The following EPHA6 variants were observed in gnomAD, a reference collection of about 807,000 sequenced individuals.
EPHA6 encodes the protein ephrin type-A receptor 6.
EPHA6 carries 50 observed loss-of-function variants against 112.0 expected under a neutral mutation model. The observed-to-expected ratio is 0.45, with a 90% CI of 0.36 to 0.56. The LOEUF is 0.56. EPHA6 is among the 20% of genes least tolerant of loss of function. The pLI is 0.00. For synonymous variants in EPHA6, 529 were observed against 490.7 expected, an observed-to-expected ratio of 1.08 and a Z score of -1.03; for missense variants, 1,280 against 1,417.4, an observed-to-expected ratio of 0.90 and a Z score of 1.56.
intron 2 of EPHA6, among the ~76,000 whole-genome samples, chr3:96,868,843 T>C (rs2036475184): frequency 6.6e-6 from 1 of 152,004 alleles, no homozygotes; most frequent in Non-Finnish European, 1.5e-5. Context: ...ATTGATTCCA[T>C]AGATTTTTCT....
rs114396966 is a variant in EPHA6, at chr3:97,023,552, C to T, written c.1114+35559C>T. On this transcript the variant is annotated intron_variant, in intron 3 of 17. Transcript: ENST00000389672. ...CTTATTTTGCTACTATATATATTTACTTAGTTATATGTTAGATATAATATT... is the reference window on the plus strand; with the variant it reads ...CTTATTTTGCTACTATATATATTTATTTAGTTATATGTTAGATATAATATT... Among the ~76,000 whole-genome samples the T allele has an allele frequency of 4.6e-3, 700 of 151,436 alleles. 6 individuals carry two copies. The highest frequency in any genetic ancestry group is 0.016 in the African/African-American group (674 of 41,282).
At chr3:97,511,136 G>A (rs1203183204) in intron 10 of EPHA6, among the ~76,000 whole-genome samples, 1 of 152,132 alleles carries the variant, frequency 6.6e-6, no homozygotes. Flanking sequence ...GATCCACTAA[G>A]CTAGACCACT....
At chr3:96,872,521 C>A (rs746200727) in intron 2 of EPHA6, among the ~76,000 whole-genome samples, 1 of 152,084 alleles carries the variant, frequency 6.6e-6, no homozygotes, top group Non-Finnish European at 1.5e-5. Flanking sequence ...GGTAAGTCTG[C>A]TGGCAACACA....
chr3:97,329,093 T>A (rs1401579227), intron 5 of EPHA6, among the ~76,000 whole-genome samples: 1 of 152,162 alleles, frequency 6.6e-6, no homozygotes, highest in Non-Finnish European at 1.5e-5. Flanking sequence ...TGCGATAGTT[T>A]GCTGAGAATG....
chr3:96,906,873 G>C (rs966850709), intron 2 of EPHA6, among the ~76,000 whole-genome samples: 6 of 151,908 alleles, frequency 3.9e-5, no homozygotes, highest in Non-Finnish European at 7.4e-5. Context: ...AGAGGACAAA[G>C]GTTTCTGTAA....
At chr3:97,702,249 A>G (rs1184950378) in intron 14 of EPHA6, among the ~76,000 whole-genome samples, 2 of 152,188 alleles carry the variant, frequency 1.3e-5, no homozygotes, top group African/African-American at 4.8e-5. Flanking sequence ...GTGAAGATCA[A>G]TGTGTTAGAA....
chr3:97,367,476 C>T (rs1436249133), intron 5 of EPHA6, among the ~76,000 whole-genome samples: 1 of 151,970 alleles, frequency 6.6e-6, no homozygotes, highest in Non-Finnish European at 1.5e-5. Context: ...GGCAGCTTCT[C>T]TCTCTCACTC....
At chr3:97,481,634 C>T (rs1044586683) in intron 9 of EPHA6, 25 of 435,086 alleles carry the variant, frequency 5.7e-5, no homozygotes, top group Admixed American at 4.1e-4. Context: ...CTAGGCCCGC[C>T]GCTTGGAGAC....
chr3:97,318,816 C>T (rs1302902907), intron 5 of EPHA6, among the ~76,000 whole-genome samples: 1 of 151,674 alleles, frequency 6.6e-6, no homozygotes, highest in Non-Finnish European at 1.5e-5. Flanking sequence ...AACTATAATC[C>T]TTTGATAAAA....
At chr3:97,111,883 G>T (rs1398055520) in intron 3 of EPHA6, among the ~76,000 whole-genome samples, 1 of 152,024 alleles carries the variant, frequency 6.6e-6, no homozygotes, top group Admixed American at 6.6e-5. Context: ...AATGCAGAAA[G>T]GTTACAGCCT....
rs2035999176 is a variant in EPHA6 at position 97,755,251 on chromosome 3, T to C, written c.*6550T>C. On this transcript the variant is annotated 3_prime_UTR_variant, in exon 18 of 18. Coordinates refer to ENST00000389672, the MANE Select transcript of EPHA6 (RefSeq NM_001080448.3). ...CTTAAATGTTAAATAAAGATGTGGC[T>C]TCTATATTTAATTAAAAAATAAGGT... Among the ~76,000 whole-genome samples the C allele has an allele frequency of 1.3e-5, 2 of 152,200 alleles. No homozygotes were observed. The highest frequency in any genetic ancestry group is 2.9e-5 in the Non-Finnish European group (2 of 68,022).
chr3:97,542,375 G>A (rs978540628), intron 11 of EPHA6, among the ~76,000 whole-genome samples: 4 of 152,118 alleles, frequency 2.6e-5, no homozygotes, highest in African/African-American at 9.7e-5. Context: ...ATATTTTGCT[G>A]AGAATGATGG....
intron 11 of EPHA6, among the ~76,000 whole-genome samples, chr3:97,558,907 C>T (rs2093150896): frequency 6.6e-6 from 1 of 151,950 alleles, no homozygotes; most frequent in African/African-American, 2.4e-5. Context: ...CACTTTAAAA[C>T]ATTTGTTTTA....
At chr3:96,833,338 A>ACTAGGAAGG (rs1278766085) in intron 1 of EPHA6, among the ~76,000 whole-genome samples, 1 of 151,630 alleles carries the variant, frequency 6.6e-6, no homozygotes, top group Admixed American at 6.6e-5. Context: ...CACACAAAAA[A>ACTAGGAAGG]CTAGGAAGGA....
intron 13 of EPHA6, among the ~76,000 whole-genome samples, chr3:97,621,784 A>T (rs752851540): frequency 6.6e-6 from 1 of 151,904 alleles, no homozygotes; most frequent in African/African-American, 2.4e-5. Flanking sequence ...ATTCTGAAAG[A>T]CAGAAACAGA....
intron 2 of EPHA6, among the ~76,000 whole-genome samples, chr3:96,877,611 C>G (rs879814837): frequency 1.1e-4 from 15 of 141,628 alleles, no homozygotes; most frequent in Non-Finnish European, 2.0e-4. Context: ...TAATACTAAC[C>G]AGTGAAACTT....
intron 10 of EPHA6, among the ~76,000 whole-genome samples, chr3:97,502,371 G>A (rs913730183): frequency 1.3e-5 from 2 of 151,450 alleles, no homozygotes; most frequent in Admixed American, 6.6e-5. Context: ...GTTTCACCAC[G>A]TTGGGCAGGC....
At chr3:96,819,319 GA>G (rs1576044768) in intron 1 of EPHA6, among the ~76,000 whole-genome samples, 1 of 151,922 alleles carries the variant, frequency 6.6e-6, no homozygotes, top group East Asian at 1.9e-4. Flanking sequence ...TATTAGAGTA[GA>G]AAGCCTTTTG....
At chr3:97,585,976 T>A (rs2093484039) in intron 11 of EPHA6, among the ~76,000 whole-genome samples, 1 of 152,238 alleles carries the variant, frequency 6.6e-6, no homozygotes, top group Admixed American at 6.5e-5. Flanking sequence ...AGTTATATTT[T>A]CCCATTCTAA....
Sources: allele counts gnomAD v4.1 joint callset (sites outside exome capture counted in the v4.1 genomes callset), GRCh38; gene constraint gnomAD v4.1.1; transcripts MANE v1.5; gene names NCBI Gene and HGNC (gene_info 2026-07-23, HGNC 2026-07-21).